The following GALNT13 variants were observed in gnomAD, a reference collection of about 807,000 sequenced individuals.
GALNT13 encodes UDP-GalNAc:polypeptide N-acetylgalactosaminyltransferase 13.
Under a neutral mutation model 64.2 loss-of-function variants are expected in GALNT13, and 28 were observed. The ratio of observed to expected loss-of-function variants is 0.44; its 90% confidence interval spans 0.32 to 0.60. The LOEUF is 0.60. GALNT13 is among the 20% of genes least tolerant of loss of function. The pLI is 0.05. For missense variants in GALNT13, 577 were observed against 669.8 expected, an observed-to-expected ratio of 0.86 and a Z score of 1.53; for synonymous variants, 214 against 224.6, an observed-to-expected ratio of 0.95 and a Z score of 0.42.
At chr2:153,870,893 A>T (rs922339807), upstream of GALNT13, among the ~76,000 whole-genome samples, 2 of 151,990 alleles carry the variant, frequency 1.3e-5, no homozygotes, top group Non-Finnish European at 2.9e-5. Flanking sequence ...CCCTTATTAC[A>T]AACAAGACAA....
chr2:153,629,445 A>G, the GALNT13 span, among the ~76,000 whole-genome samples: 1 of 152,182 alleles, frequency 6.6e-6, no homozygotes, highest in Non-Finnish European at 1.5e-5. Flanking sequence ...GGCTAGCCAT[A>G]TGTAGAAAGC....
chr2:153,672,900 C>A, the GALNT13 span, among the ~76,000 whole-genome samples: 1 of 151,122 alleles, frequency 6.6e-6, no homozygotes, highest in African/African-American at 2.4e-5. Context: ...CACAGAAATA[C>A]AAACTACCAT....
chr2:154,356,640 TA>T lies in GALNT13; in HGVS notation c.1157-39350del, dbSNP rs552490062. On this transcript the variant is annotated intron_variant, in intron 9 of 12. Coordinates refer to ENST00000392825, the MANE Select transcript of GALNT13 (RefSeq NM_052917.4). ...CCTTTCCTCAATTTTATATGTCCAA[TA>T]TATTCTACTTTAGGTCAGTTTTTCC... 1.5e-3 allele frequency among the ~76,000 whole-genome samples: 229 copies of T among 152,092 alleles called. 2 individuals carry two copies. The highest frequency in any genetic ancestry group is 2.9e-3 in the Non-Finnish European group (198 of 67,902).
At chr2:153,943,753 T>A (rs1038497914) in intron 2 of GALNT13, among the ~76,000 whole-genome samples, 1 of 152,160 alleles carries the variant, frequency 6.6e-6, no homozygotes, top group African/African-American at 2.4e-5. Flanking sequence ...CCTCGATCTC[T>A]CAAAGTGTTG....
At chr2:154,304,510 G>A (rs1693626372) in intron 9 of GALNT13, among the ~76,000 whole-genome samples, 1 of 152,152 alleles carries the variant, frequency 6.6e-6, no homozygotes. Context: ...GAGAATAATT[G>A]TAATCACATG....
chr2:153,873,351 A>G (rs1035096122), intron 1 of GALNT13, among the ~76,000 whole-genome samples: 4 of 152,330 alleles, frequency 2.6e-5, no homozygotes, highest in African/African-American at 9.6e-5. Context: ...ACCTGAGCGC[A>G]CTGAGGCTGC....
chr2:153,288,809 C>T, the GALNT13 span, among the ~76,000 whole-genome samples: 8 of 152,218 alleles, frequency 5.3e-5, no homozygotes, highest in East Asian at 1.2e-3. Context: ...GTACTGTCTG[C>T]GGTTTCAGGC....
At chr2:153,993,575 TA>T (rs2105196232) in intron 3 of GALNT13, among the ~76,000 whole-genome samples, 1 of 151,120 alleles carries the variant, frequency 6.6e-6, no homozygotes, top group Non-Finnish European at 1.5e-5. Context: ...CGGGCGCCTG[TA>T]GTCTCAGCTA....
At chr2:153,145,400 T>A in the GALNT13 span, among the ~76,000 whole-genome samples, 1 of 152,114 alleles carries the variant, frequency 6.6e-6, no homozygotes, top group East Asian at 1.9e-4. Flanking sequence ...TTTAATCACA[T>A]TAACAAACTT....
chr2:153,773,045 T>C, the GALNT13 span, among the ~76,000 whole-genome samples: 1 of 152,212 alleles, frequency 6.6e-6, no homozygotes, highest in African/African-American at 2.4e-5. Context: ...GACTCTGCAA[T>C]TGGCCACAGC....
chr2:153,159,067 T>C, the GALNT13 span: 12 of 174,932 alleles, frequency 6.9e-5, no homozygotes, highest in East Asian at 1.6e-3. Flanking sequence ...CTTGCTCCTC[T>C]ACCACCTCTT....
chr2:153,901,438 T>G (rs985282602), intron 2 of GALNT13, among the ~76,000 whole-genome samples: 2 of 152,198 alleles, frequency 1.3e-5, no homozygotes, highest in African/African-American at 4.8e-5. Context: ...TCAATCTTGA[T>G]TCTTCCTGTC....
At chr2:154,021,908 T>G (rs1266806930) in intron 3 of GALNT13, among the ~76,000 whole-genome samples, 2 of 151,930 alleles carry the variant, frequency 1.3e-5, no homozygotes, top group African/African-American at 2.4e-5. Flanking sequence ...GTTTTTAGCA[T>G]GAAGGGTTGT....
At chr2:153,934,900 G>A (rs1690789986) in intron 2 of GALNT13, among the ~76,000 whole-genome samples, 1 of 152,294 alleles carries the variant, frequency 6.6e-6, no homozygotes, top group African/African-American at 2.4e-5. Flanking sequence ...TTATGAGAGT[G>A]GAGGAGTGTC....
chr2:153,556,870 G>C, the GALNT13 span, among the ~76,000 whole-genome samples: 2 of 152,068 alleles, frequency 1.3e-5, no homozygotes, highest in Admixed American at 1.3e-4. Context: ...ATATCATCTG[G>C]CTAAGGACTT....
chr2:154,032,062 A>G (rs1048167547), intron 3 of GALNT13, among the ~76,000 whole-genome samples: 1 of 151,964 alleles, frequency 6.6e-6, no homozygotes, highest in African/African-American at 2.4e-5. Context: ...ATCCTAAGAT[A>G]CTATAAAAGT....
At chr2:154,029,338 A>G (rs759321236) in intron 3 of GALNT13, among the ~76,000 whole-genome samples, 2 of 152,004 alleles carry the variant, frequency 1.3e-5, no homozygotes, top group Non-Finnish European at 2.9e-5. Context: ...AAAGCCTTAA[A>G]CTGCTAAGTG....
chr2:153,551,057 A>G, the GALNT13 span, among the ~76,000 whole-genome samples: 1 of 152,224 alleles, frequency 6.6e-6, no homozygotes, highest in Admixed American at 6.5e-5. Context: ...AAGTCCAAAA[A>G]AAAATCATTG....
chr2:153,241,805 ATAGAAAG>A, the GALNT13 span, among the ~76,000 whole-genome samples: 2 of 151,850 alleles, frequency 1.3e-5, no homozygotes, highest in Non-Finnish European at 2.9e-5. Flanking sequence ...TCTCCCCCTT[ATAGAAAG>A]AATTTGTCTT....
Sources: gnomAD v4.1 joint callset for allele counts (sites outside exome capture counted in the v4.1 genomes callset) on GRCh38, gnomAD v4.1.1 for gene constraint, MANE v1.5 for transcripts, NCBI Gene and HGNC (gene_info 2026-07-23, HGNC 2026-07-21) for gene names.